Variants in RC3H1 observed in about 807,000 individuals in gnomAD.
RC3H1 encodes roquin-1.
RC3H1 carries 50 observed loss-of-function variants against 138.2 expected under a neutral mutation model. The ratio of observed to expected loss-of-function variants is 0.36; its 90% CI spans 0.29 to 0.46. The LOEUF (loss-of-function observed/expected upper bound fraction) is 0.46. Among genes scored for constraint, RC3H1 ranks in the 20% least tolerant of loss-of-function variants. The pLI is 1.00. For missense variants in RC3H1, 1,031 were observed against 1,388.1 expected, an observed-to-expected ratio of 0.74 and a Z score of 4.09; for synonymous variants, 462 against 489.1, an observed-to-expected ratio of 0.94 and a Z score of 0.73.
At chr1:174,004,578 G>C (rs1016092392) in intron 1 of RC3H1, among the ~76,000 whole-genome samples, 2 of 151,888 alleles carry the variant, frequency 1.3e-5, no homozygotes, top group Admixed American at 6.6e-5. Context: ...GGCCAAGGCA[G>C]GTGGATCACC....
At chr1:173,984,793 G>A (rs907552349) in intron 2 of RC3H1, among the ~76,000 whole-genome samples, 174 bp from the exon 3 acceptor site, 4 of 152,002 alleles carry the variant, frequency 2.6e-5, no homozygotes, top group African/African-American at 4.8e-5. Flanking sequence ...CCTTTGTTTT[G>A]TTTCTCTAAC....
intron 1 of RC3H1, among the ~76,000 whole-genome samples, chr1:173,997,798 C>T (rs1661490766): frequency 6.6e-6 from 1 of 152,098 alleles, no homozygotes; most frequent in Admixed American, 6.5e-5. Flanking sequence ...CAGAAAGTCA[C>T]TCTTAGATGA....
chr1:173,983,542 C>T lies in RC3H1; in HGVS notation c.468G>A (p.Arg156=). The T allele has an allele frequency of 1.9e-6, 3 of 1,614,176 alleles. No individual in the cohort carries two copies. Among genetic ancestry groups the T allele is most frequent in the Non-Finnish European group, 2.5e-6 (3 of 1,180,040 alleles). Residue 156 remains arginine (R), a synonymous_variant, in exon 4 of 20, where the codon AGG becomes AGA. Coordinates refer to ENST00000367696, the MANE Select transcript of RC3H1 (RefSeq NM_172071.4). ...VEEEGRIRAM[R]AARSLGERTV... ...TTCGTTCACCTAAAGATCGAGCTGCCCTCATGGCACGAATCCTGCCTTCTT... is the reference window on the plus strand; with the variant it reads ...TTCGTTCACCTAAAGATCGAGCTGCTCTCATGGCACGAATCCTGCCTTCTT...
chr1:174,012,904 G>C (rs1325758220), intron 1 of RC3H1, among the ~76,000 whole-genome samples: 3 of 151,590 alleles, frequency 2.0e-5, no homozygotes, highest in Admixed American at 6.6e-5. Context: ...ATATTCAAAA[G>C]GTTTAGAGGA....
chr1:173,972,519 T>A lies in RC3H1; in HGVS notation c.1211A>T (p.Asp404Val), dbSNP rs749507629. 6.2e-7 allele frequency: 1 copy of A among 1,612,656 alleles called. No individual in the cohort carries two copies. Residue 404 changes from aspartate (D) to valine (V), a missense_variant, in exon 8 of 20, where the codon GAT becomes GTT. Coordinates refer to ENST00000367696, the MANE Select transcript of RC3H1 (RefSeq NM_172071.4). The stretch of plus-strand genomic sequence containing the variant: ...AAACAGCTTCCTTACCTGCTGCTGA[T>A]CTGCTCCTTTTTTGCTGTGGTTCTG... ...YIQNHSKKGA[D>V]QQQPPQHSKY...
rs571281866 is a variant in RC3H1 at position 173,962,567 on chromosome 1, T to C, written c.1832-472A>G. ...GTTCTTGAGACAACAGTTGTGGCAATAGTTTCTCAGTTTTCCAACTTTTGC... is the reference window on the plus strand; with the variant it reads ...GTTCTTGAGACAACAGTTGTGGCAACAGTTTCTCAGTTTTCCAACTTTTGC... On this transcript the variant is annotated intron_variant, in intron 11 of 19. Coordinates refer to ENST00000367696, the MANE Select transcript of RC3H1 (RefSeq NM_172071.4). 1.8e-3 allele frequency among the ~76,000 whole-genome samples: 276 copies of C among 152,318 alleles called. 6 individuals are homozygous for C. The highest frequency in any genetic ancestry group is 2.1e-3 in the Admixed American group (32 of 15,302).
At chr1:174,011,201 C>T (rs1246850761) in intron 1 of RC3H1, among the ~76,000 whole-genome samples, 3 of 151,334 alleles carry the variant, frequency 2.0e-5, no homozygotes, top group Admixed American at 2.0e-4. Flanking sequence ...CACAGACCTA[C>T]AAAATAAGAA....
intron 1 of RC3H1, among the ~76,000 whole-genome samples, chr1:174,004,393 C>T (rs1250228877): frequency 2.6e-5 from 4 of 152,062 alleles, no homozygotes; most frequent in Non-Finnish European, 4.4e-5. Context: ...AAGTTACAGG[C>T]GTGAGCCACT....
Position 173,938,745 on chromosome 1 carries a change from T to A in RC3H1, c.3378A>T (p.Gly1126=). 1.2e-6 allele frequency: 2 copies of A among 1,612,390 alleles called. No homozygotes were observed. The highest frequency in any genetic ancestry group is 2.2e-5 in the South Asian group (2 of 90,844). The stretch of plus-strand genomic sequence containing the variant: ...TTTAAGGAGCAGAACTGGGAGTAAC[T>A]CCTGATCTCTGGGAGTCATTATTAT... ...GGDNNDSQRS[G]VTPSSAP Residue 1126 remains glycine, a synonymous_variant, in exon 20 of 20, where the codon GGA becomes GGT. Coordinates refer to ENST00000367696, the MANE Select transcript of RC3H1 (RefSeq NM_172071.4).
chr1:173,941,940 G>GAA (rs57487234), intron 18 of RC3H1, among the ~76,000 whole-genome samples: 9 of 98,202 alleles, frequency 9.2e-5, no homozygotes, highest in Admixed American at 2.3e-4. Context: ...TCAAAAAAAG[G>GAA]AAAAAAAAAA....
chr1:173,941,280 A>C lies in RC3H1; in HGVS notation c.3236T>G (p.Leu1079Arg). Residue 1079 changes from leucine to arginine, a missense_variant, in exon 19 of 20, where the codon CTT (leucine) becomes CGT (arginine). Leu to Arg is a moderately radical substitution (Grantham distance 102). This residue lies in a region of RC3H1 where 716 missense variants were observed against 837.9 expected (regional missense o/e 0.85). Transcript: ENST00000367696. The part of the protein sequence containing the change: ...EPQNKVPAED[L>R]TLTFSDVPNG... ...TTTTCTTTACCTGAATGTCAATGTA[A>C]GGTCCTCAGCCGGAACCTTGTTTTG... 2 of 1,610,032 alleles carry C rather than the reference A, an allele frequency of 1.2e-6. No homozygotes were observed. Among genetic ancestry groups the C allele is most frequent in the South Asian group, 2.2e-5 (2 of 90,936 alleles).
chr1:174,020,364 T>C (rs1661935231), intron 1 of RC3H1, among the ~76,000 whole-genome samples: 1 of 152,196 alleles, frequency 6.6e-6, no homozygotes, highest in Non-Finnish European at 1.5e-5. Context: ...TTTATGTTTA[T>C]TCAATTGCTA....
At chr1:173,946,261 C>T (rs1014579624) in intron 17 of RC3H1, among the ~76,000 whole-genome samples, 9 of 152,026 alleles carry the variant, frequency 5.9e-5, no homozygotes, top group South Asian at 4.1e-4. Flanking sequence ...GGAAATTTTA[C>T]GTAATCTGTT....
intron 3 of RC3H1, 37 bp downstream of exon 3, chr1:173,984,462 G>C (rs1660942444): frequency 1.9e-6 from 3 of 1,601,446 alleles, no homozygotes; most frequent in Non-Finnish European, 2.6e-6. Flanking sequence ...TAAAAAAGCA[G>C]TTTTACTCTT....
At chr1:173,965,837 T>C (rs1304940745) in intron 9 of RC3H1, among the ~76,000 whole-genome samples, 1 of 152,122 alleles carries the variant, frequency 6.6e-6, no homozygotes, top group South Asian at 2.1e-4. Flanking sequence ...ATTTGTCATT[T>C]ACTCTGTTAA....
intron 7 of RC3H1, among the ~76,000 whole-genome samples, chr1:173,973,184 CA>C (rs1369060720): frequency 5.3e-5 from 8 of 152,160 alleles, no homozygotes; most frequent in Non-Finnish European, 8.8e-5. Context: ...TACAGTTAGT[CA>C]ATTTGCATGT....
At position 173,947,350 on chromosome 1, in the gene RC3H1, T is replaced by C. The variant is rs969192742; in HGVS notation, c.2737+19A>G. 1.3e-6 allele frequency: 2 copies of C among 1,567,490 alleles called. No individual in the cohort carries two copies. Among genetic ancestry groups the C allele is most frequent in the Non-Finnish European group, 8.8e-7 (1 of 1,137,802 alleles). ...AAGATTATGAACCCTTTAGGTCAGC[T>C]TACCTCTGAGATTCTTACCTGAAAT... On this transcript the variant is annotated intron_variant, in intron 15 of 19. Transcript: ENST00000367696.
chr1:173,982,672 C>A, intron 5 of RC3H1, 55 bp downstream of exon 5: 1 of 1,436,810 alleles, frequency 7.0e-7, no homozygotes. Flanking sequence ...TACTACTTAA[C>A]TTTGGGGAAA....
chr1:174,021,963 G>C (rs1281758244), intron 1 of RC3H1, 133 bp downstream of exon 1: 1 of 377,478 alleles, frequency 2.6e-6, no homozygotes, highest in Non-Finnish European at 4.7e-6. Flanking sequence ...GGGCCGGCCG[G>C]GCTGCCGCTG....
Sources: gnomAD v4.1 joint callset for allele counts (sites outside exome capture counted in the v4.1 genomes callset) on GRCh38, gnomAD v4.1.1 for gene constraint, gnomAD v4.1.1 regional missense constraint, MANE v1.5 for transcripts, NCBI Gene and HGNC (gene_info 2026-07-23, HGNC 2026-07-21) for gene names.